The following KLKB1 variants were observed in gnomAD, a reference collection of about 807,000 sequenced individuals.
KLKB1 encodes the protein kallikrein B1, also known as plasma kallikrein.
Under a neutral mutation model 73.6 loss-of-function variants are expected in KLKB1, and 58 were observed. That is an observed-to-expected ratio of 0.79 (90% CI 0.64 to 0.98). The LOEUF (loss-of-function observed/expected upper bound fraction) is 0.98, where lower values mean the gene tolerates loss of function less well. KLKB1 is among the 50% of genes least tolerant of loss of function. KLKB1 has a pLI of 0.00. For missense variants in KLKB1, 737 were observed against 763.8 expected, an observed-to-expected ratio of 0.96 and a Z score of 0.41; for synonymous variants, 280 against 258.1, an observed-to-expected ratio of 1.08 and a Z score of -0.81.
At chr4:186,240,417 G>T (rs547984591) in intron 6 of KLKB1, among the ~76,000 whole-genome samples, 1 of 152,114 alleles carries the variant, frequency 6.6e-6, no homozygotes, top group Non-Finnish European at 1.5e-5. Flanking sequence ...AAACTGTAAG[G>T]TCATTCCTTG....
intron 2 of KLKB1, among the ~76,000 whole-genome samples, chr4:186,215,533 C>T (rs1210849401): frequency 6.6e-6 from 1 of 151,182 alleles, no homozygotes; most frequent in Non-Finnish European, 1.5e-5. Context: ...AAGTTTTATG[C>T]TTATGGAAAT....
At chr4:186,238,522 G>A (rs1404703840) in intron 6 of KLKB1, among the ~76,000 whole-genome samples, 157 bp downstream of exon 6, 1 of 152,172 alleles carries the variant, frequency 6.6e-6, no homozygotes, top group African/African-American at 2.4e-5. Flanking sequence ...GAGATGGGGA[G>A]TTTACTCTGG....
chr4:186,248,277 A>T (rs1005429026), intron 6 of KLKB1, among the ~76,000 whole-genome samples: 7 of 151,944 alleles, frequency 4.6e-5, no homozygotes, highest in African/African-American at 1.2e-4. Context: ...AAAATAAAAA[A>T]AAAAAAGAAA....
At chr4:186,257,477 A>G in intron 14 of KLKB1, 112 bp downstream of exon 14, 1 of 864,312 alleles carries the variant, frequency 1.2e-6, no homozygotes, top group Non-Finnish European at 1.7e-6. Flanking sequence ...TCAGAGACAA[A>G]TGATCTGATA....
chr4:186,233,367 G>A (rs1737495460), intron 3 of KLKB1, among the ~76,000 whole-genome samples: 1 of 152,152 alleles, frequency 6.6e-6, no homozygotes, highest in South Asian at 2.1e-4. Context: ...TTCACTCTAT[G>A]TGAGTTTACC....
At chr4:186,217,325 C>G (rs895408056) in intron 2 of KLKB1, among the ~76,000 whole-genome samples, 5 of 152,012 alleles carry the variant, frequency 3.3e-5, no homozygotes, top group African/African-American at 9.7e-5. Context: ...TTCTGCTGAG[C>G]CTGGTAGCTG....
chr4:186,244,584 A>G (rs2126654838), intron 6 of KLKB1, among the ~76,000 whole-genome samples: 1 of 152,288 alleles, frequency 6.6e-6, no homozygotes, highest in Admixed American at 6.5e-5. Flanking sequence ...GGAATAGTAA[A>G]GAAAGCATGT....
rs1554079154 is a variant in KLKB1 at position 186,251,207 on chromosome 4, T to TA, written c.759-4dup. On this transcript the variant is annotated splice_polypyrimidine_tract_variant and intron_variant, in intron 7 of 14. Transcript: ENST00000264690. ...TCTTTCTTTCTCTCTTGCTTTTTTT[T>TA]AAAAAAAATAGAAATGTTTGTCTTC... 2.8e-4 allele frequency: 431 copies of TA among 1,557,910 alleles called. No individual in the cohort carries two copies. The African/African-American group carries it at 2.9e-3, about 10-fold the overall frequency.
intron 4 of KLKB1, among the ~76,000 whole-genome samples, chr4:186,234,834 A>T (rs1008363635): frequency 3.3e-4 from 50 of 152,362 alleles, no homozygotes; most frequent in African/African-American, 1.2e-3. Flanking sequence ...CATGACTGGG[A>T]CTGATAAGAA....
intron 4 of KLKB1, among the ~76,000 whole-genome samples, 186 bp from the exon 5 acceptor site, chr4:186,236,595 A>G (rs922317994): frequency 1.3e-5 from 2 of 152,316 alleles, no homozygotes; most frequent in East Asian, 3.9e-4. Flanking sequence ...ATTGGATTGT[A>G]TTTACTTCAA....
At chr4:186,233,885 A>G (rs1227922797) in intron 3 of KLKB1, 67 bp from the exon 4 acceptor site, 4 of 1,105,900 alleles carry the variant, frequency 3.6e-6, no homozygotes, top group Admixed American at 3.4e-5. Context: ...GTGTGTAGAA[A>G]ATGCTAGACA....
In KLKB1 at chr4:186,232,222, A is replaced by G; in HGVS notation, c.154A>G (p.Thr52Ala). Residue 52 changes from threonine to alanine, a missense_variant, in exon 3 of 15, where the codon ACA (threonine) becomes GCA (alanine). Thr to Ala is a moderately conservative substitution (Grantham distance 58). Transcript: ENST00000264690. ...PNAQYCQMRCTFHPRCLLFSF... is the reference protein window; with the variant it reads ...PNAQYCQMRCAFHPRCLLFSF... ...TGCCCAATACTGCCAGATGAGGTGC[A>G]CATTCCACCCAAGGTGTTTGCTATT... 1 of 1,614,144 alleles carries G rather than the reference A, an allele frequency of 6.2e-7. No homozygotes were observed.
At chr4:186,250,138 A>G (rs927225123) in intron 6 of KLKB1, 105 bp from the exon 7 acceptor site, 1 of 1,099,126 alleles carries the variant, frequency 9.1e-7, no homozygotes. Context: ...GTTTAGTACT[A>G]TGAATAATAA....
chr4:186,253,418 T>A (rs913077888), intron 11 of KLKB1, among the ~76,000 whole-genome samples: 2 of 152,198 alleles, frequency 1.3e-5, no homozygotes, highest in Non-Finnish European at 2.9e-5. Context: ...GAAGGGGCTC[T>A]GCCATACATG....
chr4:186,248,471 C>T (rs986352677), intron 6 of KLKB1, among the ~76,000 whole-genome samples: 1 of 151,944 alleles, frequency 6.6e-6, no homozygotes, highest in Non-Finnish European at 1.5e-5. Flanking sequence ...GTTTTCAAGG[C>T]TCATTCGTAT....
chr4:186,223,328 G>A (rs1737070987), upstream of KLKB1, among the ~76,000 whole-genome samples: 1 of 152,196 alleles, frequency 6.6e-6, no homozygotes, highest in Admixed American at 6.6e-5. Context: ...GGCAGAGGTT[G>A]GAACAGTTTG....
At position 186,254,696 on chromosome 4, in the gene KLKB1, C is replaced by T; in HGVS notation, c.1422C>T (p.Asn474=). The change falls in exon 12 of 15, where the codon AAC becomes AAT. Residue 474 remains asparagine (N), a synonymous_variant. Coordinates refer to ENST00000264690, the MANE Select transcript of KLKB1 (RefSeq NM_000892.5). ...SQIKEIIIHQ[N]YKVSEGNHDI... is the part of the protein sequence containing the mutation. ...TAAAAGAGATTATTATTCACCAAAA[C>T]TATAAAGTCTCAGAAGGGAATCATG... is the stretch of plus-strand genomic sequence containing the variant. 1 of 1,613,780 alleles carries T rather than the reference C, an allele frequency of 6.2e-7. No homozygotes were observed. Among genetic ancestry groups the T allele is most frequent in the Non-Finnish European group, 8.5e-7 (1 of 1,179,684 alleles).
intron 2 of KLKB1, chr4:186,213,536 C>G (rs1736796425): frequency 6.6e-6 from 1 of 152,204 alleles, no homozygotes; most frequent in Non-Finnish European, 1.5e-5. Flanking sequence ...GTGAATTTCT[C>G]TGACTCTGAA....
Position 186,251,304 on chromosome 4 carries a change from T to C in KLKB1, c.844T>C (p.Leu282=), listed in dbSNP as rs1411992115. ...QENTISGYSL[L]TCKRTLPEPC... ...AAACACCATATCTGGATATAGCCTT[T>C]TAACCTGCAAAAGAACTTTACCTGG... is the stretch of plus-strand genomic sequence containing the variant. The change falls in exon 8 of 15, where the codon TTA becomes CTA. Residue 282 remains leucine (L), a synonymous_variant. Coordinates refer to ENST00000264690, the MANE Select transcript of KLKB1 (RefSeq NM_000892.5). 6.2e-7 allele frequency: 1 copy of C among 1,609,444 alleles called. No individual in the cohort carries two copies. Among genetic ancestry groups the C allele is most frequent in the South Asian group, 1.1e-5 (1 of 90,952 alleles).
Sources: allele counts gnomAD v4.1 joint callset (sites outside exome capture counted in the v4.1 genomes callset), GRCh38; gene constraint gnomAD v4.1.1; transcripts MANE v1.5; gene names NCBI Gene and HGNC (gene_info 2026-07-23, HGNC 2026-07-21).